The following STK32B variants were observed in gnomAD, a reference collection of about 807,000 sequenced individuals.
STK32B encodes the protein serine/threonine kinase 32B.
A neutral mutation model predicts 52.6 loss-of-function variants in STK32B; 43 were observed. That is an observed-to-expected ratio of 0.82 (90% CI 0.64 to 1.05). The LOEUF (loss-of-function observed/expected upper bound fraction) is 1.05, where lower values mean the gene tolerates loss of function less well. STK32B is among the 50% of genes least tolerant of loss of function. The pLI, the probability that STK32B is intolerant of heterozygous loss-of-function variation, is 0.00. For missense variants in STK32B, 621 were observed against 534.6 expected (o/e 1.16, Z -1.59); for synonymous variants, 238 against 204.3 (o/e 1.17, Z -1.41).
chr4:5,024,231 A>G, the STK32B span, among the ~76,000 whole-genome samples: 1 of 152,300 alleles, frequency 6.6e-6, no homozygotes, highest in African/African-American at 2.4e-5. Flanking sequence ...TTATGCAATA[A>G]GCTCTATGTA....
chr4:5,091,482 C>G (rs536700778), intron 1 of STK32B, among the ~76,000 whole-genome samples: 1 of 152,134 alleles, frequency 6.6e-6, no homozygotes, highest in African/African-American at 2.4e-5. Context: ...AGATGCTCAA[C>G]ATTATTAGTA....
At chr4:5,068,844 T>C (rs536263598) in intron 1 of STK32B, among the ~76,000 whole-genome samples, 2 of 152,332 alleles carry the variant, frequency 1.3e-5, no homozygotes, top group Admixed American at 6.5e-5. Context: ...AACAATGATA[T>C]TCAGTGTAGT....
chr4:5,345,033 G>A (rs1733355732), intron 4 of STK32B, among the ~76,000 whole-genome samples: 1 of 149,370 alleles, frequency 6.7e-6, no homozygotes, highest in African/African-American at 2.5e-5. Context: ...AGTTGAAAAA[G>A]ATTAAATAAT....
At chr4:5,026,489 C>A in the STK32B span, among the ~76,000 whole-genome samples, 6 of 152,160 alleles carry the variant, frequency 3.9e-5, no homozygotes, top group Non-Finnish European at 8.8e-5. Flanking sequence ...AGGGGGAATC[C>A]CCTTATAAAA....
intron 2 of STK32B, among the ~76,000 whole-genome samples, chr4:5,165,630 C>T (rs3806725): frequency 1.6e-4 from 25 of 152,136 alleles, no homozygotes; most frequent in East Asian, 9.7e-4. Context: ...GTGGGATTAT[C>T]CTCCCACGAC....
At chr4:5,180,031 G>C (rs1265716929) in intron 3 of STK32B, among the ~76,000 whole-genome samples, 1 of 152,196 alleles carries the variant, frequency 6.6e-6, no homozygotes, top group Non-Finnish European at 1.5e-5. Flanking sequence ...TCATGGACAG[G>C]CAATGAGGGA....
chr4:5,297,431 G>C (rs1002750409), intron 3 of STK32B, among the ~76,000 whole-genome samples: 1 of 150,678 alleles, frequency 6.6e-6, no homozygotes, highest in African/African-American at 2.4e-5. Context: ...TTGTAGTTTT[G>C]GTCTTTTTAC....
intron 3 of STK32B, among the ~76,000 whole-genome samples, chr4:5,178,889 T>C (rs1187413128): frequency 1.3e-5 from 2 of 152,212 alleles, no homozygotes; most frequent in African/African-American, 2.4e-5. Context: ...TCTTCCTGTC[T>C]TCTTCTGAGC....
intron 3 of STK32B, among the ~76,000 whole-genome samples, chr4:5,276,660 C>T (rs1015928870): frequency 4.6e-5 from 7 of 152,010 alleles, no homozygotes; most frequent in Non-Finnish European, 8.8e-5. Flanking sequence ...TAAGGCGTCA[C>T]GTGTTACGAA....
chr4:5,372,084 G>A (rs1216550552), intron 4 of STK32B, among the ~76,000 whole-genome samples: 1 of 152,254 alleles, frequency 6.6e-6, no homozygotes, highest in Non-Finnish European at 1.5e-5. Context: ...AGATGGCACA[G>A]AAGGGACAAA....
At chr4:5,125,190 C>T (rs982058387) in intron 1 of STK32B, among the ~76,000 whole-genome samples, 1 of 146,210 alleles carries the variant, frequency 6.8e-6, no homozygotes, top group African/African-American at 2.5e-5. Context: ...CCAACAAGAG[C>T]AGCTTGGTCA....
At chr4:5,439,075 G>T (rs574623641) in intron 6 of STK32B, among the ~76,000 whole-genome samples, 342 of 149,928 alleles carry the variant, frequency 2.3e-3, no homozygotes, top group African/African-American at 8.2e-3. Flanking sequence ...GTGTGCATGT[G>T]TCTTTATAGC....
chr4:5,244,926 A>G (rs1251175833), intron 3 of STK32B, among the ~76,000 whole-genome samples: 1 of 152,176 alleles, frequency 6.6e-6, no homozygotes, highest in Non-Finnish European at 1.5e-5. Flanking sequence ...GTTTGATTGC[A>G]CTGTGGTCTG....
At chr4:5,251,484 C>G (rs1285249364) in intron 3 of STK32B, among the ~76,000 whole-genome samples, 1 of 151,962 alleles carries the variant, frequency 6.6e-6, no homozygotes, top group East Asian at 1.9e-4. Context: ...TACTGTAGCC[C>G]TTTAGTATAG....
At chr4:5,063,903 A>G (rs1233826615) in intron 1 of STK32B, among the ~76,000 whole-genome samples, 1 of 152,000 alleles carries the variant, frequency 6.6e-6, no homozygotes, top group Non-Finnish European at 1.5e-5. Flanking sequence ...TTGCGTTTTT[A>G]TTGAGGTTGA....
At chr4:5,228,560 T>C (rs1262045333) in intron 3 of STK32B, among the ~76,000 whole-genome samples, 2 of 152,186 alleles carry the variant, frequency 1.3e-5, no homozygotes, top group Non-Finnish European at 2.9e-5. Flanking sequence ...TTTTTCTGTA[T>C]TTAACATAGG....
chr4:5,284,139 C>T (rs1247842781), intron 3 of STK32B, among the ~76,000 whole-genome samples: 1 of 152,034 alleles, frequency 6.6e-6, no homozygotes, highest in Non-Finnish European at 1.5e-5. Flanking sequence ...TGATTAAAGG[C>T]ACATTTTTAT....
At chr4:5,242,547 G>A (rs376211430) in intron 3 of STK32B, among the ~76,000 whole-genome samples, 62 of 152,142 alleles carry the variant, frequency 4.1e-4, no homozygotes, top group Middle Eastern at 3.4e-3. Context: ...CTCTGATGGT[G>A]GTTTCTTTTG....
chr4:5,466,960 G>A, intron 10 of STK32B, 126 bp downstream of exon 10: 2 of 1,275,646 alleles, frequency 1.6e-6, no homozygotes, highest in African/African-American at 1.5e-5. Flanking sequence ...TTATTTTGCA[G>A]TAAATAAAAT....
Sources: allele counts gnomAD v4.1 joint callset (sites outside exome capture counted in the v4.1 genomes callset), GRCh38; gene constraint gnomAD v4.1.1; transcripts MANE v1.5; gene names NCBI Gene and HGNC (gene_info 2026-07-23, HGNC 2026-07-21).